SOX6: variants seen among roughly 807,000 people sequenced by gnomAD.
SOX6 encodes SRY-box transcription factor 6, also known as transcription factor SOX-6.
A neutral mutation model predicts 97.8 loss-of-function variants in SOX6; 11 were observed. The ratio of observed to expected loss-of-function variants is 0.11; its 90% confidence interval spans 0.07 to 0.19. SOX6 has a LOEUF of 0.19. SOX6 is among the 10% of genes least tolerant of loss of function. The pLI, the probability that SOX6 is intolerant of heterozygous loss-of-function variation, is 1.00. For missense variants in SOX6, 810 were observed against 1,039.5 expected, an observed-to-expected ratio of 0.78 and a Z score of 3.04; for synonymous variants, 360 against 371.4, an observed-to-expected ratio of 0.97 and a Z score of 0.35.
At position 15,968,438 on chromosome 11, in the gene SOX6, G is replaced by A. The variant is rs1853203726; in HGVS notation, c.*4371C>T. ...TGATTCTTTTTCCTCTCCCTAATGA[G>A]TTGGTAGAGGTCAATTCTTTGCAAA... On this transcript the variant is annotated 3_prime_UTR_variant, in exon 16 of 16. Coordinates refer to ENST00000683767, the MANE Select transcript of SOX6 (RefSeq NM_001367873.1). 1.3e-5 allele frequency: 2 copies of A among 152,206 alleles called. No individual in the cohort carries two copies. Among genetic ancestry groups the A allele is most frequent in the South Asian group, 4.1e-4 (2 of 4,828 alleles). 9.4% of individuals were successfully genotyped at this position (152,206 alleles called of 1,614,324 possible).
chr11:16,079,998 C>T (rs897199720), intron 9 of SOX6, among the ~76,000 whole-genome samples: 1 of 147,790 alleles, frequency 6.8e-6, no homozygotes, highest in African/African-American at 2.6e-5. Context: ...CACAATAATC[C>T]ACCTTGAAAA....
chr11:16,690,404 AT>A (rs1848003983), intron 3 of SOX6, among the ~76,000 whole-genome samples: 1 of 152,188 alleles, frequency 6.6e-6, no homozygotes, highest in Non-Finnish European at 1.5e-5. Context: ...TATAGAACCC[AT>A]TTTAAAATTC....
intron 1 of SOX6, among the ~76,000 whole-genome samples, chr11:16,367,495 T>C (rs1857388593): frequency 6.6e-6 from 1 of 152,134 alleles, no homozygotes. Flanking sequence ...CCCTTGGGGC[T>C]TAAAGGAAAG....
At chr11:16,294,019 A>G (rs892600644) in intron 3 of SOX6, among the ~76,000 whole-genome samples, 1 of 152,038 alleles carries the variant, frequency 6.6e-6, no homozygotes, top group African/African-American at 2.4e-5. Flanking sequence ...GGCAGCATCA[A>G]TTAAAAAAAA....
intron 3 of SOX6, among the ~76,000 whole-genome samples, chr11:16,279,058 C>T (rs1451923643): frequency 2.0e-5 from 3 of 151,996 alleles, no homozygotes; most frequent in African/African-American, 7.2e-5. Context: ...CTGTCTACAA[C>T]GAAACTGCAG....
rs566301105 is a variant in SOX6 at position 16,327,007 on chromosome 11, G to C, written c.238-8354C>G. Among the ~76,000 whole-genome samples the C allele has an allele frequency of 4.6e-5, 7 of 152,280 alleles. No homozygotes were observed. In the South Asian group the frequency reaches 1.5e-3, roughly 32 times the overall value. ...TCTACAGTATGTTAGTTTCAGGATAGTGAAACTTCTTTCTTACGTGGTGTC... is the reference window on the plus strand; with the variant it reads ...TCTACAGTATGTTAGTTTCAGGATACTGAAACTTCTTTCTTACGTGGTGTC... On this transcript the variant is annotated intron_variant, in intron 2 of 15. Coordinates refer to ENST00000683767, the MANE Select transcript of SOX6 (RefSeq NM_001367873.1).
chr11:16,452,969 G>T (rs779000151), intron 1 of SOX6, among the ~76,000 whole-genome samples: 5 of 152,124 alleles, frequency 3.3e-5, no homozygotes, highest in Non-Finnish European at 7.4e-5. Flanking sequence ...AGATGAACAG[G>T]GATGCTCCAC....
At chr11:16,168,307 A>C (rs2134079761) in intron 6 of SOX6, among the ~76,000 whole-genome samples, 1 of 152,290 alleles carries the variant, frequency 6.6e-6, no homozygotes, top group Non-Finnish European at 1.5e-5. Context: ...AAGAACAGGA[A>C]GTATAAAAAT....
chr11:16,623,245 TC>T (rs1283987969), intron 3 of SOX6, among the ~76,000 whole-genome samples: 1 of 152,184 alleles, frequency 6.6e-6, no homozygotes, highest in Non-Finnish European at 1.5e-5. Flanking sequence ...AGTCTCGAAC[TC>T]CTGACCTCAG....
At chr11:16,351,101 C>T (rs1856936365) in intron 1 of SOX6, among the ~76,000 whole-genome samples, 1 of 152,164 alleles carries the variant, frequency 6.6e-6, no homozygotes, top group South Asian at 2.1e-4. Context: ...AGAAATCCAA[C>T]AGTCCTCAAA....
chr11:16,615,190 T>A (rs1848456607), intron 3 of SOX6, among the ~76,000 whole-genome samples: 1 of 152,184 alleles, frequency 6.6e-6, no homozygotes, highest in Non-Finnish European at 1.5e-5. Context: ...CTGTGCTAAG[T>A]AATGCTATTC....
At chr11:16,299,628 G>C (rs970599324) in intron 3 of SOX6, among the ~76,000 whole-genome samples, 5 of 152,066 alleles carry the variant, frequency 3.3e-5, no homozygotes, top group African/African-American at 9.7e-5. Context: ...AGTCAACTAC[G>C]ATAGGTAAGA....
At chr11:16,606,631 T>C (rs1000724318) in intron 4 of SOX6, among the ~76,000 whole-genome samples, 7 of 152,132 alleles carry the variant, frequency 4.6e-5, no homozygotes, top group Admixed American at 6.5e-5. Flanking sequence ...AGAATACCAA[T>C]GCGGGGAGGC....
rs961143093 is a variant in SOX6, at chr11:15,967,729, A to G, written c.*5080T>C. 4.6e-5 allele frequency: 7 copies of G among 152,218 alleles called. No individual in the cohort carries two copies. Among genetic ancestry groups the G allele is most frequent in the Admixed American group, 2.0e-4 (3 of 15,282 alleles). 9.4% of individuals were successfully genotyped at this position (152,218 alleles called of 1,614,324 possible). ...ACAGTTAAATATTTGCACATTCCCC[A>G]TACTCCAAGAGCACCAGCACTGAGG... On this transcript the variant is annotated 3_prime_UTR_variant, in exon 16 of 16. Coordinates refer to ENST00000683767, the MANE Select transcript of SOX6 (RefSeq NM_001367873.1).
At chr11:16,691,166 C>T (rs1052119981) in intron 3 of SOX6, among the ~76,000 whole-genome samples, 12 of 152,120 alleles carry the variant, frequency 7.9e-5, no homozygotes, top group African/African-American at 1.2e-4. Flanking sequence ...ACCATCAGAA[C>T]GGTATTGTCT....
At chr11:16,432,187 C>A (rs1368485696) in intron 1 of SOX6, among the ~76,000 whole-genome samples, 1 of 152,084 alleles carries the variant, frequency 6.6e-6, no homozygotes, top group African/African-American at 2.4e-5. Context: ...AGATGGATAG[C>A]AATACTGTCT....
At chr11:16,444,596 T>C (rs1859577630) in intron 1 of SOX6, among the ~76,000 whole-genome samples, 2 of 152,216 alleles carry the variant, frequency 1.3e-5, no homozygotes, top group African/African-American at 4.8e-5. Context: ...ACATAATGTA[T>C]GTAAGTCAAA....
At chr11:16,156,952 C>T (rs1265721581) in intron 6 of SOX6, among the ~76,000 whole-genome samples, 1 of 151,852 alleles carries the variant, frequency 6.6e-6, no homozygotes, top group Non-Finnish European at 1.5e-5. Flanking sequence ...CTCTATCTTC[C>T]CAAACTTTGT....
intron 3 of SOX6, among the ~76,000 whole-genome samples, chr11:16,657,266 A>G (rs1184427411): frequency 6.6e-6 from 1 of 152,144 alleles, no homozygotes; most frequent in African/African-American, 2.4e-5. Context: ...TTTCCTCCAT[A>G]TATTTTTATG....
Sources: allele counts gnomAD v4.1 joint callset (sites outside exome capture counted in the v4.1 genomes callset), GRCh38; gene constraint gnomAD v4.1.1; transcripts MANE v1.5; gene names NCBI Gene and HGNC (gene_info 2026-07-23, HGNC 2026-07-21).